PTK2: variants seen among roughly 807,000 people sequenced by gnomAD.
PTK2 encodes protein tyrosine kinase 2.
In PTK2, 45 loss-of-function variants were observed where a neutral mutation model predicts 150.1. The observed-to-expected ratio is 0.30, with a 90% CI of 0.24 to 0.38. The LOEUF (loss-of-function observed/expected upper bound fraction) is 0.38, where lower values mean the gene tolerates loss of function less well. Ranked by LOEUF, PTK2 falls within the 10% of genes least tolerant of loss-of-function variation. PTK2 has a pLI of 1.00. For synonymous variants in PTK2, 432 were observed against 449.2 expected (o/e 0.96, Z 0.48); for missense variants, 919 against 1,307.3 (o/e 0.70, Z 4.58).
At chr8:140,688,437 G>A (rs953930256) in intron 26 of PTK2, among the ~76,000 whole-genome samples, 1 of 147,780 alleles carries the variant, frequency 6.8e-6, no homozygotes, top group African/African-American at 2.5e-5. Flanking sequence ...TGTAGCGTTG[G>A]GTGTGGTGGT....
At chr8:140,928,992 G>A (rs1169095700) in intron 1 of PTK2, among the ~76,000 whole-genome samples, 1 of 119,502 alleles carries the variant, frequency 8.4e-6, no homozygotes, top group Non-Finnish European at 1.6e-5. Flanking sequence ...TTGAGACGGA[G>A]TCTCGCTCTG....
chr8:140,889,979 C>A (rs191233828), intron 3 of PTK2, among the ~76,000 whole-genome samples: 1 of 152,188 alleles, frequency 6.6e-6, no homozygotes, highest in African/African-American at 2.4e-5. Context: ...CAAGCTTCCA[C>A]AACAACCTCC....
At chr8:140,678,661 C>A (rs1440591204) in intron 27 of PTK2, among the ~76,000 whole-genome samples, 1 of 152,154 alleles carries the variant, frequency 6.6e-6, no homozygotes, top group African/African-American at 2.4e-5. Context: ...ACCAAAGCTG[C>A]AGTTTTAAGT....
intron 1 of PTK2, among the ~76,000 whole-genome samples, chr8:140,998,672 AG>A: frequency 6.6e-6 from 1 of 152,056 alleles, no homozygotes; most frequent in South Asian, 2.1e-4. Context: ...ACAAAAAATT[AG>A]CCGGGCGTGG....
chr8:140,882,470 C>T (rs957330037), intron 3 of PTK2, among the ~76,000 whole-genome samples: 5 of 152,180 alleles, frequency 3.3e-5, no homozygotes, highest in African/African-American at 9.7e-5. Flanking sequence ...ACTTTGAAGA[C>T]ACATCTATCT....
intron 7 of PTK2, among the ~76,000 whole-genome samples, chr8:140,842,496 T>TA (rs1567371629): frequency 1.3e-5 from 2 of 152,094 alleles, no homozygotes; most frequent in Non-Finnish European, 2.9e-5. Flanking sequence ...TCTAACTCCT[T>TA]ACGACAATCT....
chr8:140,881,823 A>G (rs2100149254), intron 3 of PTK2, among the ~76,000 whole-genome samples: 1 of 152,208 alleles, frequency 6.6e-6, no homozygotes, highest in South Asian at 2.1e-4. Flanking sequence ...AAAGAGGCTT[A>G]GCCCAGAACT....
At chr8:140,857,027 A>G (rs564269456) in intron 5 of PTK2, among the ~76,000 whole-genome samples, 12 of 152,350 alleles carry the variant, frequency 7.9e-5, no homozygotes, top group Non-Finnish European at 1.6e-4. Flanking sequence ...CTGAAGTTTC[A>G]TAATACAATG....
rs1360530118 is a variant in PTK2 at position 140,819,531 on chromosome 8, AG to A, written c.649-512del. On this transcript the variant is annotated intron_variant, in intron 8 of 31. Transcript: ENST00000522684. ...AAAGATTCACTGCAGAACTGTTTAC[AG>A]TAATAGAGAGCCTGGTTACGTAAAC... 3.3e-5 allele frequency among the ~76,000 whole-genome samples: 5 copies of A among 152,384 alleles called. No individual in the cohort carries two copies. In the East Asian group the frequency reaches 9.6e-4, roughly 29 times the overall value.
At chr8:140,762,962 G>C (rs974667443) in intron 15 of PTK2, among the ~76,000 whole-genome samples, 2 of 151,954 alleles carry the variant, frequency 1.3e-5, no homozygotes, top group African/African-American at 2.4e-5. Flanking sequence ...TTTTGTTTTT[G>C]GTAGAGACAG....
chr8:140,692,165 T>G (rs2100023548), intron 26 of PTK2, among the ~76,000 whole-genome samples: 1 of 152,230 alleles, frequency 6.6e-6, no homozygotes, highest in Non-Finnish European at 1.5e-5. Flanking sequence ...AATTTTAAAA[T>G]GAGAAAGGCT....
At chr8:140,776,336 A>G (rs1240334773) in intron 14 of PTK2, among the ~76,000 whole-genome samples, 1 of 152,352 alleles carries the variant, frequency 6.6e-6, no homozygotes, top group African/African-American at 2.4e-5. Context: ...AATTTTTGGT[A>G]AACAATTTAA....
intron 4 of PTK2, among the ~76,000 whole-genome samples, chr8:140,870,841 A>T (rs2100142072): frequency 1.3e-5 from 2 of 152,160 alleles, no homozygotes; most frequent in Admixed American, 6.5e-5. Flanking sequence ...ATTTTTGGAG[A>T]TTTTTAACAA....
intron 10 of PTK2, among the ~76,000 whole-genome samples, chr8:140,814,653 T>C (rs1050396176): frequency 6.6e-6 from 1 of 152,246 alleles, no homozygotes; most frequent in Non-Finnish European, 1.5e-5. Context: ...TGAAGGAATG[T>C]ACCTCACAAT....
intron 4 of PTK2, among the ~76,000 whole-genome samples, chr8:140,874,407 A>C (rs1488496419): frequency 6.6e-6 from 1 of 152,214 alleles, no homozygotes; most frequent in South Asian, 2.1e-4. Flanking sequence ...TCATTTGACT[A>C]GAGATCTTAC....
chr8:140,803,450 T>C (rs1019150643), intron 11 of PTK2, 93 bp downstream of exon 11: 1 of 1,013,704 alleles, frequency 9.9e-7, no homozygotes, highest in Non-Finnish European at 1.5e-6. Flanking sequence ...TGATGATCCA[T>C]AAAAACTTCA....
intron 22 of PTK2, 118 bp from the exon 26 acceptor site, chr8:140,717,827 G>A: frequency 1.3e-6 from 1 of 755,574 alleles, no homozygotes; most frequent in South Asian, 1.5e-5. Flanking sequence ...TAACAATAAA[G>A]GATCCTATAC....
chr8:140,694,273 C>T (rs1381549319), intron 26 of PTK2, among the ~76,000 whole-genome samples: 1 of 152,036 alleles, frequency 6.6e-6, no homozygotes, highest in Admixed American at 6.5e-5. Flanking sequence ...GATCTCCTGA[C>T]CTCGTGATCC....
chr8:140,747,331 T>C (rs2100059574), intron 17 of PTK2: 1 of 154,406 alleles, frequency 6.5e-6, no homozygotes, highest in African/African-American at 2.5e-5. Context: ...CAAAAAGGTA[T>C]GTCCTACTAT....
Sources: gnomAD v4.1 joint callset for allele counts (sites outside exome capture counted in the v4.1 genomes callset) on GRCh38, gnomAD v4.1.1 for gene constraint, MANE v1.5 for transcripts, NCBI Gene and HGNC (gene_info 2026-07-23, HGNC 2026-07-21) for gene names.